SPATC1: variants seen among roughly 807,000 people sequenced by gnomAD.
SPATC1 encodes spermatogenesis and centriole associated 1.
In SPATC1, 35 loss-of-function variants were observed where a neutral mutation model predicts 36.5. The observed-to-expected ratio is 0.96, with a 90% CI of 0.73 to 1.27. The LOEUF (loss-of-function observed/expected upper bound fraction) is 1.27, where lower values mean the gene tolerates loss of function less well. SPATC1 is among the 50% of genes most tolerant of loss of function. SPATC1 has a pLI of 0.00. For synonymous variants in SPATC1, 361 were observed against 353.6 expected (o/e 1.02, Z -0.24); for missense variants, 779 against 796.0 (o/e 0.98, Z 0.26).
At position 144,040,993 on chromosome 8, in the gene SPATC1, T is replaced by G; in HGVS notation, c.1192T>G (p.Ser398Ala). The change falls in exon 3 of 5, where the codon TCA (serine) becomes GCA (alanine). Residue 398 changes from serine (S) to alanine (A), a missense_variant. Coordinates refer to ENST00000377470, the MANE Select transcript of SPATC1 (RefSeq NM_198572.3). ...SPPRTSSSPASVNDSRGPRTT... is the reference protein window; with the variant it reads ...SPPRTSSSPAAVNDSRGPRTT... Reference sequence around the variant, plus strand: ...ACCTCGTACCTCATCCTCCCCGGCTTCAGTCAATGACTCTCGAGGTCCACG... The same window carrying G: ...ACCTCGTACCTCATCCTCCCCGGCTGCAGTCAATGACTCTCGAGGTCCACG... 6.2e-7 allele frequency: 1 copy of G among 1,611,974 alleles called. No homozygotes were observed. Among genetic ancestry groups the G allele is most frequent in the South Asian group, 1.1e-5 (1 of 90,936 alleles).
Position 144,046,860 on chromosome 8 carries a change from G to A in SPATC1, c.1680G>A (p.Glu560=). 1 of 1,601,456 alleles carries A rather than the reference G, an allele frequency of 6.2e-7. No individual in the cohort carries two copies. Among genetic ancestry groups the A allele is most frequent in the Non-Finnish European group, 8.5e-7 (1 of 1,179,858 alleles). Residue 560 remains glutamate, a synonymous_variant, in exon 5 of 5, where the codon GAG becomes GAA. Transcript: ENST00000377470. The surrounding 1 kb of genome is among the most constrained non-coding windows in gnomAD (Gnocchi z 6.6). ...ACTTCCTGCAGCGTGTGGTGGTGGA[G>A]ACCGTGCACCCCGGCATGCTCGCCG... The part of the protein sequence containing the change: ...TVDFLQRVVV[E]TVHPGMLADA...
intron 1 of SPATC1, among the ~76,000 whole-genome samples, chr8:144,025,664 T>A (rs1433462992): frequency 1.3e-5 from 2 of 152,208 alleles, no homozygotes; most frequent in African/African-American, 4.8e-5. Context: ...CATGGCATCT[T>A]GCAGTCATGA....
chr8:144,015,696 C>G (rs1249040656), intron 1 of SPATC1, among the ~76,000 whole-genome samples: 17 of 135,076 alleles, frequency 1.3e-4, no homozygotes, highest in Non-Finnish European at 2.2e-4. Flanking sequence ...GAGCCAAGAT[C>G]ATGCCCTGCA....
intron 4 of SPATC1, among the ~76,000 whole-genome samples, chr8:144,042,311 A>ATATATATATAT (rs1412021347): frequency 8.4e-5 from 2 of 23,884 alleles, no homozygotes; most frequent in Non-Finnish European, 1.3e-4. Context: ...ATATATATAT[A>ATATATATATAT]TTTTTTTTTT....
At chr8:144,038,000 G>A (rs755556126) in intron 1 of SPATC1, among the ~76,000 whole-genome samples, 29 of 151,422 alleles carry the variant, frequency 1.9e-4, no homozygotes, top group African/African-American at 7.0e-4. Flanking sequence ...GAGGTGGCGG[G>A]CGCCTGTAAT....
intron 1 of SPATC1, among the ~76,000 whole-genome samples, chr8:144,032,902 A>T (rs1834826672): frequency 6.6e-6 from 1 of 152,126 alleles, no homozygotes; most frequent in Admixed American, 6.6e-5. Flanking sequence ...TTCCATGAGC[A>T]CACACAACAA....
chr8:144,027,702 A>G (rs1834713114), intron 1 of SPATC1, among the ~76,000 whole-genome samples: 1 of 152,152 alleles, frequency 6.6e-6, no homozygotes, highest in Admixed American at 6.6e-5. Flanking sequence ...TAAAAAGATT[A>G]TTTTCTCAGG....
intron 1 of SPATC1, among the ~76,000 whole-genome samples, chr8:144,029,202 TAA>T (rs1165801794): frequency 5.3e-4 from 15 of 28,162 alleles, no homozygotes; most frequent in South Asian, 1.7e-3. Flanking sequence ...ACCCCAGAAC[TAA>T]AAAAAAAAAA....
intron 1 of SPATC1, among the ~76,000 whole-genome samples, chr8:144,025,206 T>TC (rs1420611009): frequency 6.6e-6 from 1 of 152,150 alleles, no homozygotes; most frequent in Non-Finnish European, 1.5e-5. Flanking sequence ...CTTAGCACCC[T>TC]CTCCCTTCAG....
chr8:144,025,549 G>T (rs891541064), intron 1 of SPATC1, among the ~76,000 whole-genome samples: 3 of 152,170 alleles, frequency 2.0e-5, no homozygotes, highest in Non-Finnish European at 2.9e-5. Flanking sequence ...AAAAGGTTAA[G>T]AAATCACTTG....
At chr8:144,038,425 T>A (rs1385415573) in intron 1 of SPATC1, among the ~76,000 whole-genome samples, 2 of 137,860 alleles carry the variant, frequency 1.5e-5, no homozygotes, top group African/African-American at 5.5e-5. Context: ...AGAGCGAGAC[T>A]CTGTCTCAAA....
intron 1 of SPATC1, among the ~76,000 whole-genome samples, chr8:144,036,692 C>T (rs1834904788): frequency 1.3e-5 from 2 of 152,078 alleles, no homozygotes; most frequent in African/African-American, 4.8e-5. Context: ...AGGATTAGCT[C>T]TGAAGAGATA....
At chr8:144,043,547 T>C (rs1835173231) in intron 4 of SPATC1, among the ~76,000 whole-genome samples, 1 of 152,072 alleles carries the variant, frequency 6.6e-6, no homozygotes, top group Non-Finnish European at 1.5e-5. Context: ...CGCCCAGCTT[T>C]AAATTTTTTA....
intron 1 of SPATC1, among the ~76,000 whole-genome samples, chr8:144,022,595 A>C (rs1386050214): frequency 7.4e-5 from 7 of 94,482 alleles, no homozygotes; most frequent in South Asian, 8.6e-4. Context: ...TTCTTGAGGA[A>C]CCTCTTCCCT....
At chr8:144,019,965 G>A (rs1234094304) in intron 1 of SPATC1, among the ~76,000 whole-genome samples, 1 of 151,726 alleles carries the variant, frequency 6.6e-6, no homozygotes, top group African/African-American at 2.4e-5. Context: ...TCTTCCCTCA[G>A]TTCCGGAGGG....
rs1163720597 is a variant in SPATC1 at position 144,045,470 on chromosome 8, G to A, written c.1447-1157G>A. ...CCTGAACAGCTTGTGTGGGCAAGGA[G>A]TAGGGAAGAGTATTCCCTGCAGGTT... On this transcript the variant is annotated intron_variant, in intron 4 of 4. Transcript: ENST00000377470. The surrounding 1 kb of genome is among the most constrained non-coding windows in gnomAD (Gnocchi z 5.2). Among the ~76,000 whole-genome samples the A allele has an allele frequency of 6.6e-6, 1 of 152,252 alleles. No individual in the cohort carries two copies. The highest frequency in any genetic ancestry group is 6.5e-5 in the Admixed American group (1 of 15,288).
intron 1 of SPATC1, among the ~76,000 whole-genome samples, chr8:144,035,500 G>A (rs912442400): frequency 6.6e-6 from 1 of 152,210 alleles, no homozygotes; most frequent in African/African-American, 2.4e-5. Flanking sequence ...GGGAGTCCCC[G>A]TGGCTTCTGC....
At chr8:144,015,978 C>T (rs1170923981) in intron 1 of SPATC1, among the ~76,000 whole-genome samples, 1 of 149,660 alleles carries the variant, frequency 6.7e-6, no homozygotes, top group African/African-American at 2.5e-5. Flanking sequence ...GGGAGAATGG[C>T]GTGAACCCGG....
At chr8:144,035,511 T>G (rs944694098) in intron 1 of SPATC1, among the ~76,000 whole-genome samples, 5 of 152,214 alleles carry the variant, frequency 3.3e-5, no homozygotes, top group Non-Finnish European at 7.3e-5. Context: ...TGGCTTCTGC[T>G]TTATACATTT....
Sources: gnomAD v4.1 joint callset for allele counts (sites outside exome capture counted in the v4.1 genomes callset) on GRCh38, gnomAD v4.1.1 for gene constraint, Gnocchi (gnomAD v3.1) non-coding constraint, MANE v1.5 for transcripts, NCBI Gene and HGNC (gene_info 2026-07-23, HGNC 2026-07-21) for gene names.